The following MFN2 variants were observed in gnomAD, a reference collection of about 807,000 sequenced individuals.
The protein encoded by MFN2 is mitofusin 2.
In MFN2, 43 loss-of-function variants were observed where a neutral mutation model predicts 87.5. That is an observed-to-expected ratio of 0.49 (90% CI 0.38 to 0.63). The LOEUF (loss-of-function observed/expected upper bound fraction) is 0.63. MFN2 is among the 30% of genes least tolerant of loss of function. MFN2 has a pLI of 0.00. For missense variants in MFN2, 743 were observed against 972.8 expected (o/e 0.76, Z 3.14); for synonymous variants, 337 against 359.9 (o/e 0.94, Z 0.72).
chr1:11,991,595 A>G (rs1638678214), intron 3 of MFN2, among the ~76,000 whole-genome samples: 2 of 152,162 alleles, frequency 1.3e-5, no homozygotes, highest in African/African-American at 4.8e-5. Context: ...GCGGGTGGCA[A>G]GAGGCCAACA....
intron 9 of MFN2, 72 bp from the exon 10 acceptor site, chr1:12,001,697 G>A: frequency 1.2e-6 from 2 of 1,603,020 alleles, no homozygotes; most frequent in African/African-American, 2.7e-5. Flanking sequence ...CCAGTGGCTT[G>A]GTTTCTGGGG....
At position 12,004,705 on chromosome 1, in the gene MFN2, A is replaced by T. The variant is rs911747745; in HGVS notation, c.1392+92A>T. 2.7e-6 allele frequency: 4 copies of T among 1,495,386 alleles called. No individual in the cohort carries two copies. The highest frequency in any genetic ancestry group is 3.7e-6 in the Non-Finnish European group (4 of 1,074,036). 92.6% of individuals were successfully genotyped at this position (1,495,386 alleles called of 1,614,324 possible). On this transcript the variant is annotated intron_variant, in intron 13 of 18. Coordinates refer to ENST00000235329, the MANE Select transcript of MFN2 (RefSeq NM_014874.4). The surrounding 1 kb of genome is among the most constrained non-coding windows in gnomAD (Gnocchi z 4.2). The stretch of plus-strand genomic sequence containing the variant: ...TGGGTCAGGGCCCCCCAGCAGTGAC[A>T]GTAGAAGCCACAGAGACAAGGCCCA...
Position 11,992,575 on chromosome 1 carries a change from C to T in MFN2, c.196C>T (p.Leu66=). The T allele has an allele frequency of 1.2e-6, 2 of 1,614,220 alleles. No individual in the cohort carries two copies. The highest frequency in any genetic ancestry group is 1.7e-6 in the Non-Finnish European group (2 of 1,180,042). The part of the protein sequence containing the change: ...FLEDTYRNAE[L]DPVTTEEQVL... ...TCCAGACACGTACAGGAATGCAGAA[C>T]TGGACCCCGTTACCACAGAAGAACA... The change falls in exon 4 of 19, where the codon CTG becomes TTG. Residue 66 remains leucine (L), a synonymous_variant. Coordinates refer to ENST00000235329, the MANE Select transcript of MFN2 (RefSeq NM_014874.4).
rs1639054563 is a variant in MFN2 at position 11,998,993 on chromosome 1, G to A, written c.714G>A (p.Lys238=). ...AGGTCTTACCCTTTATCTAGGAAAAGCACTTCTTCCACAAGGTGAGTGAGC... is the reference window on the plus strand; with the variant it reads ...AGGTCTTACCCTTTATCTAGGAAAAACACTTCTTCCACAAGGTGAGTGAGC... The part of the protein sequence containing the change: ...NSESTLMQTE[K]HFFHKVSERL... The change falls in exon 8 of 19, where the codon AAG becomes AAA. Residue 238 remains lysine (K), a synonymous_variant. Transcript: ENST00000235329. The A allele has an allele frequency of 1.2e-6, 2 of 1,614,156 alleles. No homozygotes were observed. Among genetic ancestry groups the A allele is most frequent in the South Asian group, 1.1e-5 (1 of 91,082 alleles).
intron 3 of MFN2, among the ~76,000 whole-genome samples, chr1:11,991,119 T>C (rs1422369639): frequency 6.6e-6 from 1 of 152,216 alleles, no homozygotes; most frequent in African/African-American, 2.4e-5. Context: ...CTCACTCAGT[T>C]GCTCCTGTAT....
chr1:12,000,060 G>A (rs757648053), intron 8 of MFN2, among the ~76,000 whole-genome samples: 19 of 151,376 alleles, frequency 1.3e-4, no homozygotes, highest in Non-Finnish European at 2.1e-4. Context: ...TTGTGCCACT[G>A]TACTCCAGCC....
chr1:12,005,610 C>A, intron 14 of MFN2, 101 bp from the exon 15 acceptor site: 1 of 1,229,022 alleles, frequency 8.1e-7, no homozygotes, highest in Non-Finnish European at 1.2e-6. Flanking sequence ...AGCTGTTCAG[C>A]ATCCCTGGCA....
At chr1:12,009,170 G>A (rs924658836) in intron 17 of MFN2, among the ~76,000 whole-genome samples, 2 of 152,176 alleles carry the variant, frequency 1.3e-5, no homozygotes, top group African/African-American at 2.4e-5. Context: ...GCTTCGGCTC[G>A]GCATCAGAGG....
intron 6 of MFN2, among the ~76,000 whole-genome samples, chr1:11,998,366 T>G (rs1160392109): frequency 1.3e-5 from 2 of 151,196 alleles, no homozygotes; most frequent in Non-Finnish European, 3.0e-5. Flanking sequence ...ACCAACATGG[T>G]GAAACCCTGT....
chr1:11,983,322 C>G (rs952952782), intron 2 of MFN2, among the ~76,000 whole-genome samples: 1 of 152,196 alleles, frequency 6.6e-6, no homozygotes, highest in South Asian at 2.1e-4. Context: ...CTACCCACCT[C>G]GGCCTCCCAG....
chr1:12,013,127 G>C lies in MFN2; in HGVS notation c.*1562G>C, dbSNP rs551566332. 1 of 348,868 alleles carries C rather than the reference G, an allele frequency of 2.9e-6. No homozygotes were observed. The highest frequency in any genetic ancestry group is 7.8e-5 in the East Asian group (1 of 12,892). 21.6% of individuals were successfully genotyped at this position (348,868 alleles called of 1,614,324 possible). On this transcript the variant is annotated 3_prime_UTR_variant, in exon 19 of 19. Transcript: ENST00000235329. ...GCGTGTGCCGGGCCTGAATGGACAG[G>C]GGCCACTTCACAGCATGTCAGGGAA...
rs141526856 is a variant in MFN2 at position 11,995,432 on chromosome 1, C to T, written c.312-724C>T. On this transcript the variant is annotated intron_variant, in intron 4 of 18. Coordinates refer to ENST00000235329, the MANE Select transcript of MFN2 (RefSeq NM_014874.4). ...CAAATCACCTGAGGTCAGGAGTTCG[C>T]GACCAGTCTGGCCAACATGGTGAAA... Among the ~76,000 whole-genome samples, 5 of 151,670 alleles carry T rather than the reference C, an allele frequency of 3.3e-5. No individual in the cohort carries two copies. In the East Asian group the frequency reaches 5.8e-4, roughly 18 times the overall value.
intron 18 of MFN2, 63 bp downstream of exon 18, chr1:12,009,789 T>C (rs1404451983): frequency 6.2e-7 from 1 of 1,611,118 alleles, no homozygotes; most frequent in Non-Finnish European, 8.5e-7. Flanking sequence ...ACACTGGGGC[T>C]CAGCTGCTGG....
In MFN2 at chr1:11,996,138, G is replaced by A. The variant is rs1185043219; in HGVS notation, c.312-18G>A. ...TCAGATACTGGTGGCTTTGCTGACA[G>A]CTGTTACTTCCTTCTAGGACGAGCA... On this transcript the variant is annotated intron_variant, in intron 4 of 18. Transcript: ENST00000235329. 1 of 1,614,042 alleles carries A rather than the reference G, an allele frequency of 6.2e-7. No homozygotes were observed. Among genetic ancestry groups the A allele is most frequent in the Non-Finnish European group, 8.5e-7 (1 of 1,180,038 alleles).
chr1:11,996,443 T>C, intron 5 of MFN2, 125 bp downstream of exon 5: 3 of 1,149,708 alleles, frequency 2.6e-6, no homozygotes, highest in Non-Finnish European at 3.7e-6. Context: ...TGGGAGACCC[T>C]ATTTTAGATG....
Position 12,013,240 on chromosome 1 carries a change from A to G in MFN2, c.*1675A>G, listed in dbSNP as rs1280798128. On this transcript the variant is annotated 3_prime_UTR_variant, in exon 19 of 19. Transcript: ENST00000235329. The stretch of plus-strand genomic sequence containing the variant: ...GTAAACATGAATTTTTTTTCAATGT[A>G]GCCCCTGGGGAATGAATGAAATTTT... 8.2e-6 allele frequency: 3 copies of G among 367,474 alleles called. No homozygotes were observed. Among genetic ancestry groups the G allele is most frequent in the East Asian group, 1.9e-4 (2 of 10,314 alleles). 22.8% of individuals were successfully genotyped at this position (367,474 alleles called of 1,614,324 possible).
At chr1:11,990,797 C>T (rs2100807120) in intron 3 of MFN2, among the ~76,000 whole-genome samples, 1 of 152,262 alleles carries the variant, frequency 6.6e-6, no homozygotes, top group African/African-American at 2.4e-5. Context: ...AGGGACATTC[C>T]AAAGGCCATG....
chr1:11,998,144 A>G (rs1397470032), intron 6 of MFN2, among the ~76,000 whole-genome samples: 1 of 151,596 alleles, frequency 6.6e-6, no homozygotes, highest in Non-Finnish European at 1.5e-5. Context: ...AGCCTCCCAA[A>G]GTGCTGGGAT....
At chr1:12,002,910 G>A (rs1362398014) in intron 11 of MFN2, among the ~76,000 whole-genome samples, 1 of 152,152 alleles carries the variant, frequency 6.6e-6, no homozygotes, top group Non-Finnish European at 1.5e-5. Context: ...GTTTTTACAT[G>A]CTTCAGATGT....
Sources: gnomAD v4.1 joint callset for allele counts (sites outside exome capture counted in the v4.1 genomes callset) on GRCh38, gnomAD v4.1.1 for gene constraint, Gnocchi (gnomAD v3.1) non-coding constraint, MANE v1.5 for transcripts, NCBI Gene and HGNC (gene_info 2026-07-23, HGNC 2026-07-21) for gene names.